FGF7: variants seen among roughly 807,000 people sequenced by gnomAD.
FGF7 encodes the protein fibroblast growth factor 7, also known as FGF-7.
Under a neutral mutation model 20.5 loss-of-function variants are expected in FGF7, and 6 were observed. The observed-to-expected ratio is 0.29, with a 90% CI of 0.16 to 0.58. The LOEUF is 0.58. Ranked by LOEUF, FGF7 falls within the 20% of genes least tolerant of loss-of-function variation. The pLI, the probability that FGF7 is intolerant of heterozygous loss-of-function variation, is 0.90. For synonymous variants in FGF7, 64 were observed against 74.7 expected (o/e 0.86, Z 0.74); for missense variants, 144 against 228.8 (o/e 0.63, Z 2.39).
chr15:49,440,972 T>C, intron 2 of FGF7, among the ~76,000 whole-genome samples: 1 of 151,854 alleles, frequency 6.6e-6, no homozygotes, highest in Non-Finnish European at 1.5e-5. Context: ...ACCTGCTTAC[T>C]GCTTAGAGAT....
intron 2 of FGF7, among the ~76,000 whole-genome samples, chr15:49,462,849 T>C (rs2053928076): frequency 6.6e-6 from 1 of 152,104 alleles, no homozygotes; most frequent in Admixed American, 6.5e-5. Context: ...TGATAAATTA[T>C]AAACGATATT....
chr15:49,470,461 A>G (rs2054641488), intron 2 of FGF7, among the ~76,000 whole-genome samples: 1 of 152,150 alleles, frequency 6.6e-6, no homozygotes, highest in African/African-American at 2.4e-5. Flanking sequence ...CAAATTTAGG[A>G]CAAGTATATA....
chr15:49,482,851 T>G (rs1295106149), intron 2 of FGF7, among the ~76,000 whole-genome samples: 1 of 152,014 alleles, frequency 6.6e-6, no homozygotes, highest in South Asian at 2.1e-4. Flanking sequence ...ATTATTATTA[T>G]AGTAAATTAG....
At chr15:49,456,015 A>G (rs1243832523) in intron 2 of FGF7, among the ~76,000 whole-genome samples, 1 of 152,164 alleles carries the variant, frequency 6.6e-6, no homozygotes, top group Non-Finnish European at 1.5e-5. Context: ...AACTAGCTCA[A>G]CATGCTGTTA....
intron 2 of FGF7, among the ~76,000 whole-genome samples, chr15:49,454,608 A>G (rs1264545269): frequency 6.6e-6 from 1 of 152,020 alleles, no homozygotes; most frequent in Non-Finnish European, 1.5e-5. Context: ...TATTTATTTT[A>G]TTTTTTATAT....
At chr15:49,431,320 T>C (rs1281135764) in intron 2 of FGF7, among the ~76,000 whole-genome samples, 1 of 151,834 alleles carries the variant, frequency 6.6e-6, no homozygotes, top group Non-Finnish European at 1.5e-5. Flanking sequence ...TTTATCTGCA[T>C]TTGAGATTAT....
intron 2 of FGF7, among the ~76,000 whole-genome samples, chr15:49,436,351 T>C (rs1311696749): frequency 6.6e-6 from 1 of 151,622 alleles, no homozygotes; most frequent in Non-Finnish European, 1.5e-5. Context: ...AACATCATTG[T>C]ATATTAAGGA....
At chr15:49,476,212 G>GTT (rs1567351529) in intron 2 of FGF7, among the ~76,000 whole-genome samples, 1 of 81,254 alleles carries the variant, frequency 1.2e-5, no homozygotes, top group African/African-American at 3.3e-5. Flanking sequence ...TTATTTTGCT[G>GTT]TTTTGTTTTT....
At chr15:49,463,242 C>T (rs1193136752) in intron 2 of FGF7, among the ~76,000 whole-genome samples, 3 of 152,078 alleles carry the variant, frequency 2.0e-5, no homozygotes, top group Admixed American at 2.0e-4. Flanking sequence ...CAGTGGCTTA[C>T]CATCCTCTAC....
At position 49,424,224 on chromosome 15, in the gene FGF7, G is replaced by T; in HGVS notation, c.-74G>T. ...AATTCACAGATAGGAAGAGGTCAAT[G>T]ACCTAGGAGTAACAATCAACTCAAG... On this transcript the variant is annotated 5_prime_UTR_variant, in exon 2 of 4. The change abolishes an upstream ATG in the 5' untranslated region. Coordinates refer to ENST00000267843, the MANE Select transcript of FGF7 (RefSeq NM_002009.4). 1 of 1,336,670 alleles carries T rather than the reference G, an allele frequency of 7.5e-7. No homozygotes were observed. The highest frequency in any genetic ancestry group is 1.3e-5 in the South Asian group (1 of 74,658). The allele number at this position is 1,336,670 out of a possible 1,614,324, so 82.8% of individuals were successfully genotyped here.
chr15:49,471,340 C>T (rs1257082915), intron 2 of FGF7, among the ~76,000 whole-genome samples: 1 of 151,742 alleles, frequency 6.6e-6, no homozygotes, highest in Non-Finnish European at 1.5e-5. Flanking sequence ...CAAAAATTAG[C>T]TGGTGTGGTG....
intron 2 of FGF7, among the ~76,000 whole-genome samples, chr15:49,453,099 A>G (rs1366513020): frequency 6.6e-6 from 1 of 152,092 alleles, no homozygotes; most frequent in African/African-American, 2.4e-5. Flanking sequence ...AATCATCCTA[A>G]AATATTGCAT....
At position 49,424,555 on chromosome 15, in the gene FGF7, A is replaced by G; in HGVS notation, c.258A>G (p.Lys86=). 1.3e-6 allele frequency: 2 copies of G among 1,594,634 alleles called. No homozygotes were observed. Among genetic ancestry groups the G allele is most frequent in the South Asian group, 1.1e-5 (1 of 88,528 alleles). ...YLRIDKRGKV[K]GTQEMKNNYN... ...GGATCGATAAAAGAGGCAAAGTAAA[A>G]GGGACCCAAGAGATGAAGAATAATT... The change falls in exon 2 of 4, where the codon AAA becomes AAG. Residue 86 remains lysine, a synonymous_variant. Transcript: ENST00000267843.
chr15:49,479,248 T>G, intron 2 of FGF7, among the ~76,000 whole-genome samples: 1 of 152,084 alleles, frequency 6.6e-6, no homozygotes, highest in Non-Finnish European at 1.5e-5. Flanking sequence ...GCTGATTCTC[T>G]CTCTCTTTTA....
At chr15:49,439,738 G>A (rs2151830696) in intron 2 of FGF7, among the ~76,000 whole-genome samples, 1 of 151,836 alleles carries the variant, frequency 6.6e-6, no homozygotes, top group Non-Finnish European at 1.5e-5. Context: ...CAGACAGAGG[G>A]AGGAAACCTT....
chr15:49,440,516 AT>A (rs1457546731), intron 2 of FGF7, among the ~76,000 whole-genome samples: 2 of 151,820 alleles, frequency 1.3e-5, no homozygotes, highest in African/African-American at 4.8e-5. Context: ...TTTACATAAA[AT>A]TATCTAAAAT....
intron 2 of FGF7, among the ~76,000 whole-genome samples, chr15:49,430,713 C>A (rs2050532939): frequency 6.6e-6 from 1 of 151,698 alleles, no homozygotes; most frequent in Admixed American, 6.6e-5. Context: ...GGGCTGAAAT[C>A]ATTTTTTCTA....
chr15:49,470,026 A>G (rs1011759116), intron 2 of FGF7, among the ~76,000 whole-genome samples: 28 of 152,166 alleles, frequency 1.8e-4, no homozygotes, highest in African/African-American at 6.8e-4. Flanking sequence ...ATGCTTTAAC[A>G]TATTTCTTAA....
At chr15:49,436,689 C>A (rs79404431) in intron 2 of FGF7, among the ~76,000 whole-genome samples, 22,903 of 151,458 alleles carry the variant, frequency 0.15, 2,230 homozygotes, top group Non-Finnish European at 0.21. Flanking sequence ...AATTAAGTAA[C>A]TTGCTCTAGG....
Sources: gnomAD v4.1 joint callset for allele counts (sites outside exome capture counted in the v4.1 genomes callset) on GRCh38, gnomAD v4.1.1 for gene constraint, MANE v1.5 for transcripts, NCBI Gene and HGNC (gene_info 2026-07-23, HGNC 2026-07-21) for gene names.